ANK2: variants seen among roughly 807,000 people sequenced by gnomAD.
The protein encoded by ANK2 is ankyrin 2.
A neutral mutation model predicts 360.5 loss-of-function variants in ANK2; 83 were observed. The observed-to-expected ratio is 0.23, with a 90% confidence interval of 0.19 to 0.28. The LOEUF (loss-of-function observed/expected upper bound fraction) is 0.28. Ranked by LOEUF, ANK2 falls within the 10% of genes least tolerant of loss-of-function variation. The probability of loss-of-function intolerance (pLI) is 1.00; values close to 1 mark genes in which losing one functional copy is unlikely to be tolerated. For missense variants in ANK2, 4,201 were observed against 4,795.7 expected, an observed-to-expected ratio of 0.88 and a Z score of 3.66; for synonymous variants, 1,740 against 1,759.5, an observed-to-expected ratio of 0.99 and a Z score of 0.28.
In ANK2 at chr4:113,027,305, A is replaced by G. The variant is rs374686495; in HGVS notation, c.21+122791A>G. Among the ~76,000 whole-genome samples, 15 of 152,290 alleles carry G rather than the reference A, an allele frequency of 9.8e-5. No homozygotes were observed. In the East Asian group the frequency reaches 2.7e-3, roughly 27 times the overall value. ...ATCGCTAACTCACAGATTACAGAAT[A>G]TACGCTATCTCTCCTGTGTCTGAAA... is the stretch of plus-strand genomic sequence containing the variant. On this transcript the variant is annotated intron_variant, in intron 2 of 30. Coordinates refer to the ANK2 transcript ENST00000503271.
chr4:112,924,999 C>T (rs776518259), intron 2 of ANK2, among the ~76,000 whole-genome samples: 4 of 151,854 alleles, frequency 2.6e-5, no homozygotes, highest in Non-Finnish European at 5.9e-5. Context: ...CCACCACACC[C>T]GGCTAATTTT....
At chr4:112,795,122 G>A in the ANK2 span, among the ~76,000 whole-genome samples, 26 of 152,134 alleles carry the variant, frequency 1.7e-4, no homozygotes, top group Admixed American at 3.3e-4. Flanking sequence ...AATAGAAGTA[G>A]GGACAGAGAG....
intron 19 of ANK2, 82 bp downstream of exon 19, chr4:113,287,785 C>T: frequency 3.5e-6 from 4 of 1,129,296 alleles, no homozygotes; most frequent in Non-Finnish European, 5.3e-6. Flanking sequence ...ACCCCATGTC[C>T]AGGGTCTTCC....
At chr4:112,856,599 A>G (rs2066464666) in intron 1 of ANK2, among the ~76,000 whole-genome samples, 1 of 152,108 alleles carries the variant, frequency 6.6e-6, no homozygotes. Context: ...ATGGTGTGAC[A>G]CACCTGTAAT....
intron 1 of ANK2, among the ~76,000 whole-genome samples, chr4:113,137,462 T>A (rs2096477015): frequency 6.6e-6 from 1 of 152,146 alleles, no homozygotes; most frequent in Non-Finnish European, 1.5e-5. Context: ...AGGAGCAGGT[T>A]TGAGTAGGGC....
the ANK2 span, chr4:112,706,955 C>G: frequency 6.6e-6 from 1 of 152,116 alleles, no homozygotes; most frequent in African/African-American, 2.4e-5. Flanking sequence ...GATTTGGTAT[C>G]TAGATTTTTT....
At chr4:113,202,176 T>A (rs1181402732) in intron 4 of ANK2, among the ~76,000 whole-genome samples, 1 of 152,164 alleles carries the variant, frequency 6.6e-6, no homozygotes, top group Non-Finnish European at 1.5e-5. Flanking sequence ...AATATAATGA[T>A]TAAAATTAAA....
intron 1 of ANK2, among the ~76,000 whole-genome samples, chr4:113,165,291 C>T (rs1274695081): frequency 1.3e-5 from 2 of 152,106 alleles, no homozygotes; most frequent in East Asian, 1.9e-4. Context: ...TAATTGAGAA[C>T]TATTTAGAAT....
chr4:113,130,013 CT>C (rs2095910015), intron 1 of ANK2, among the ~76,000 whole-genome samples: 1 of 152,136 alleles, frequency 6.6e-6, no homozygotes, highest in Non-Finnish European at 1.5e-5. Context: ...TCTTCCACTT[CT>C]TTTTGCAACT....
intron 2 of ANK2, among the ~76,000 whole-genome samples, chr4:112,946,111 A>G (rs1393438593): frequency 6.6e-6 from 1 of 152,216 alleles, no homozygotes; most frequent in East Asian, 1.9e-4. Context: ...CTCAGGTTCC[A>G]GAAACTCAGT....
the ANK2 span, among the ~76,000 whole-genome samples, chr4:112,780,813 C>T: frequency 6.6e-6 from 1 of 151,986 alleles, no homozygotes; most frequent in Non-Finnish European, 1.5e-5. Context: ...GGGACACTGC[C>T]CCCATGATCC....
At chr4:113,257,980 T>C (rs2050434120) in intron 11 of ANK2, 70 bp from the exon 12 acceptor site, 1 of 1,336,756 alleles carries the variant, frequency 7.5e-7, no homozygotes, top group Non-Finnish European at 1.1e-6. Flanking sequence ...TTGCCTGCAA[T>C]GTGCCAGCAT....
intron 1 of ANK2, among the ~76,000 whole-genome samples, chr4:113,114,262 T>TA (rs1212398837): frequency 6.6e-6 from 1 of 152,074 alleles, no homozygotes; most frequent in Non-Finnish European, 1.5e-5. Flanking sequence ...CAAGGAAAGA[T>TA]ACCTGGAAAA....
chr4:112,706,073 C>A, the ANK2 span, among the ~76,000 whole-genome samples: 2 of 150,862 alleles, frequency 1.3e-5, no homozygotes, highest in Admixed American at 1.3e-4. Flanking sequence ...GCCGCAGGCC[C>A]GACGCGGAGG....
In ANK2 at chr4:113,356,821, G is replaced by A. The variant is rs1474953493; in HGVS notation, c.8203G>A (p.Glu2735Lys). 1.2e-6 allele frequency: 2 copies of A among 1,614,062 alleles called. No homozygotes were observed. The highest frequency in any genetic ancestry group is 1.7e-6 in the Non-Finnish European group (2 of 1,179,950). The change falls in exon 38 of 46, where the codon GAA becomes AAA. Residue 2735 changes from glutamate (E) to lysine (K), a missense_variant. Physicochemically the swap from Glu to Lys is moderately conservative, Grantham distance 56. Transcript: ENST00000357077. Reference protein sequence around the residue: ...DTQEEPGKSEEEKDSESHLAE... With the variant: ...DTQEEPGKSEKEKDSESHLAE... ...TCAGGAAGAGCCAGGCAAATCAGAA[G>A]AAGAAAAAGATTCTGAATCCCATTT...
chr4:113,369,499 G>T lies in ANK2; in HGVS notation c.11319-15G>T, dbSNP rs571715808. Reference sequence around the variant, plus strand: ...GCAAATGTCCCTGAAGTCTCATTTGGCTTTTTGATTCCAGTGTGACAACTC... The same window carrying T: ...GCAAATGTCCCTGAAGTCTCATTTGTCTTTTTGATTCCAGTGTGACAACTC... On this transcript the variant is annotated splice_polypyrimidine_tract_variant and intron_variant, in intron 42 of 45. Coordinates refer to ENST00000357077, the MANE Select transcript of ANK2 (RefSeq NM_001148.6). The T allele has an allele frequency of 6.2e-7, 1 of 1,612,910 alleles. No homozygotes were observed. Among genetic ancestry groups the T allele is most frequent in the Admixed American group, 1.7e-5 (1 of 60,016 alleles).
At chr4:112,754,670 G>T in the ANK2 span, among the ~76,000 whole-genome samples, 2 of 152,046 alleles carry the variant, frequency 1.3e-5, no homozygotes, top group Admixed American at 1.3e-4. Flanking sequence ...CTCTCATGTG[G>T]CTGCCACCTG....
chr4:112,743,190 G>C, the ANK2 span, among the ~76,000 whole-genome samples: 33 of 152,138 alleles, frequency 2.2e-4, no homozygotes, highest in East Asian at 6.2e-3. Flanking sequence ...TTCCTTTTTG[G>C]GGACAGAAAC....
intron 1 of ANK2, among the ~76,000 whole-genome samples, chr4:113,055,957 T>C (rs967828253): frequency 2.0e-5 from 3 of 152,176 alleles, no homozygotes; most frequent in African/African-American, 4.8e-5. Flanking sequence ...CTCACTCTTA[T>C]CTATGGGAAT....
Sources: allele counts gnomAD v4.1 joint callset (sites outside exome capture counted in the v4.1 genomes callset), GRCh38; gene constraint gnomAD v4.1.1; transcripts MANE v1.5; gene names NCBI Gene and HGNC (gene_info 2026-07-23, HGNC 2026-07-21).